TENM4: variants seen among roughly 807,000 people sequenced by gnomAD.
The protein encoded by TENM4 is teneurin-4.
TENM4 carries 82 observed loss-of-function variants against 243.3 expected under a neutral mutation model. The ratio of observed to expected loss-of-function variants is 0.34; its 90% CI spans 0.28 to 0.40. The LOEUF (loss-of-function observed/expected upper bound fraction) is 0.40, where lower values mean the gene tolerates loss of function less well. TENM4 is among the 10% of genes least tolerant of loss of function. The pLI is 1.00. For synonymous variants in TENM4, 1,412 were observed against 1,456.3 expected, an observed-to-expected ratio of 0.97 and a Z score of 0.69; for missense variants, 3,138 against 3,673.3, an observed-to-expected ratio of 0.85 and a Z score of 3.77.
At chr11:78,900,343 C>T (rs899847508) in intron 7 of TENM4, among the ~76,000 whole-genome samples, 3 of 152,148 alleles carry the variant, frequency 2.0e-5, no homozygotes, top group Non-Finnish European at 1.5e-5. Context: ...ATGTCTGATC[C>T]TAAAACCGGT....
At chr11:79,148,858 C>T (rs1862442466) in intron 3 of TENM4, 52 bp from the exon 4 acceptor site, 1 of 668,382 alleles carries the variant, frequency 1.5e-6, no homozygotes, top group Non-Finnish European at 1.8e-6. Flanking sequence ...GGATGCTGTT[C>T]TGATAAGCAG....
At chr11:78,990,443 T>C (rs1858015650) in intron 6 of TENM4, among the ~76,000 whole-genome samples, 1 of 152,110 alleles carries the variant, frequency 6.6e-6, no homozygotes, top group Non-Finnish European at 1.5e-5. Context: ...ATGGCAGCGC[T>C]GTTTGAAACA....
chr11:78,745,791 T>C (rs551761706), intron 19 of TENM4, among the ~76,000 whole-genome samples: 2 of 152,340 alleles, frequency 1.3e-5, no homozygotes, highest in Non-Finnish European at 2.9e-5. Flanking sequence ...TATGTGACTT[T>C]TTTGTATACA....
chr11:79,008,904 C>T (rs990770438), intron 6 of TENM4, among the ~76,000 whole-genome samples: 8 of 152,176 alleles, frequency 5.3e-5, no homozygotes, highest in Admixed American at 1.3e-4. Flanking sequence ...TATATCACCA[C>T]GCCCTTGCCA....
chr11:78,665,751 C>T (rs1858141535), intron 32 of TENM4, among the ~76,000 whole-genome samples: 1 of 152,228 alleles, frequency 6.6e-6, no homozygotes. Flanking sequence ...GGTCAGTGAT[C>T]CTACCTCACA....
intron 1 of TENM4, among the ~76,000 whole-genome samples, chr11:79,432,192 T>C (rs2135613886): frequency 6.6e-6 from 1 of 152,352 alleles, no homozygotes; most frequent in African/African-American, 2.4e-5. Flanking sequence ...CATGGTCTTC[T>C]AATTCCACCT....
intron 4 of TENM4, among the ~76,000 whole-genome samples, chr11:79,098,155 G>C (rs1017397813): frequency 1.3e-5 from 2 of 152,146 alleles, no homozygotes; most frequent in African/African-American, 4.8e-5. Flanking sequence ...ATCCTGGTCT[G>C]GGCTTCCCAG....
At chr11:79,327,855 C>A (rs924837212) in intron 1 of TENM4, among the ~76,000 whole-genome samples, 2 of 151,932 alleles carry the variant, frequency 1.3e-5, no homozygotes, top group Non-Finnish European at 2.9e-5. Flanking sequence ...TGGGACAGTG[C>A]CTGAGAACTA....
chr11:79,258,556 T>C (rs1855739496), intron 2 of TENM4, among the ~76,000 whole-genome samples: 1 of 152,216 alleles, frequency 6.6e-6, no homozygotes, highest in African/African-American at 2.4e-5. Context: ...TGACTTGTAA[T>C]ACACCAGTTT....
rs372119030 is a variant in TENM4 at position 79,105,897 on chromosome 11, G to C, written c.-65-35888C>G. Among the ~76,000 whole-genome samples, 9 of 96,614 alleles carry C rather than the reference G, an allele frequency of 9.3e-5. No individual in the cohort carries two copies. In the East Asian group the frequency reaches 2.3e-3, roughly 25 times the overall value. 63.4% of individuals were successfully genotyped at this position (96,614 alleles called of 152,430 possible). A position where few individuals can be genotyped will look rare whatever the true frequency, so the allele number is the denominator to read the frequency against. ...AATGGTGCTAGGAGATGCTAATTAT[G>C]TTCTAAAGGCTTACCTAAGTAAAAC... is the stretch of plus-strand genomic sequence containing the variant. On this transcript the variant is annotated intron_variant, in intron 4 of 33. Transcript: ENST00000278550.
At chr11:78,904,359 C>CAGAAAAAAAAAAA (rs1856014161) in intron 6 of TENM4, among the ~76,000 whole-genome samples, 1 of 77,268 alleles carries the variant, frequency 1.3e-5, no homozygotes. Flanking sequence ...GACTCTGTCT[C>CAGAAAAAAAAAAA]AAAAAAAAAA....
chr11:78,776,041 C>T (rs1856733166), intron 17 of TENM4, among the ~76,000 whole-genome samples: 2 of 152,016 alleles, frequency 1.3e-5, no homozygotes, highest in African/African-American at 4.8e-5. Flanking sequence ...TCTTACTGGT[C>T]CTCTTGTACT....
intron 6 of TENM4, among the ~76,000 whole-genome samples, chr11:79,012,721 G>A (rs1858676887): frequency 6.6e-6 from 1 of 152,192 alleles, no homozygotes; most frequent in South Asian, 2.1e-4. Flanking sequence ...CCAGGGGTAG[G>A]TGCTCACTGG....
chr11:78,920,977 C>T (rs1400389553), intron 6 of TENM4, among the ~76,000 whole-genome samples: 2 of 152,190 alleles, frequency 1.3e-5, no homozygotes, highest in Non-Finnish European at 2.9e-5. Context: ...ATCTGTGTTA[C>T]AGCACTGTGA....
At chr11:79,389,866 C>T (rs1858194156) in intron 1 of TENM4, among the ~76,000 whole-genome samples, 1 of 152,222 alleles carries the variant, frequency 6.6e-6, no homozygotes. Flanking sequence ...TAAGTACTCA[C>T]ATAGTAGACT....
chr11:79,301,819 C>T (rs1856554141), intron 1 of TENM4, among the ~76,000 whole-genome samples: 1 of 152,186 alleles, frequency 6.6e-6, no homozygotes, highest in Admixed American at 6.5e-5. Flanking sequence ...CCTCCTGCTC[C>T]AGTCATGTGA....
chr11:79,210,842 T>G (rs1309084112), intron 3 of TENM4, among the ~76,000 whole-genome samples: 1 of 152,198 alleles, frequency 6.6e-6, no homozygotes, highest in Non-Finnish European at 1.5e-5. Context: ...GAATTAGTAG[T>G]GGATGACTTT....
intron 6 of TENM4, among the ~76,000 whole-genome samples, chr11:78,944,085 A>T (rs1856961317): frequency 6.6e-6 from 1 of 152,186 alleles, no homozygotes; most frequent in African/African-American, 2.4e-5. Flanking sequence ...CTTTCCTTAG[A>T]GATAAGCAAA....
chr11:79,213,965 A>G (rs1863998883), intron 3 of TENM4, among the ~76,000 whole-genome samples: 1 of 151,684 alleles, frequency 6.6e-6, no homozygotes, highest in Non-Finnish European at 1.5e-5. Context: ...ACCCCACTTT[A>G]CCTGTCCTTC....
Sources: allele counts gnomAD v4.1 joint callset (sites outside exome capture counted in the v4.1 genomes callset), GRCh38; gene constraint gnomAD v4.1.1; transcripts MANE v1.5; gene names NCBI Gene and HGNC (gene_info 2026-07-23, HGNC 2026-07-21).